DLGAP1: variants seen among roughly 807,000 people sequenced by gnomAD.
The protein encoded by DLGAP1 is DLG associated protein 1.
DLGAP1 carries 11 observed loss-of-function variants against 90.8 expected under a neutral mutation model. The observed-to-expected ratio is 0.12, with a 90% CI of 0.08 to 0.20. The LOEUF is 0.20. Among genes scored for constraint, DLGAP1 ranks in the 10% least tolerant of loss-of-function variants. The pLI is 1.00. For missense variants in DLGAP1, 1,050 were observed against 1,333.8 expected (o/e 0.79, Z 3.31); for synonymous variants, 558 against 540.7 (o/e 1.03, Z -0.44).
At chr18:3,963,849 T>C (rs1032798843) in intron 3 of DLGAP1, among the ~76,000 whole-genome samples, 1 of 152,152 alleles carries the variant, frequency 6.6e-6, no homozygotes, top group African/African-American at 2.4e-5. Flanking sequence ...GCCCTAGATT[T>C]CGAAGACTTT....
At chr18:3,941,649 C>T (rs1036093347) in intron 3 of DLGAP1, among the ~76,000 whole-genome samples, 8 of 152,152 alleles carry the variant, frequency 5.3e-5, no homozygotes, top group Non-Finnish European at 1.5e-5. Context: ...AATAACAGAA[C>T]TTAATATTTT....
intron 1 of DLGAP1, among the ~76,000 whole-genome samples, chr18:4,418,521 T>A (rs2082955530): frequency 6.6e-6 from 1 of 152,060 alleles, no homozygotes; most frequent in African/African-American, 2.4e-5. Flanking sequence ...TATAAAAAAA[T>A]CAAATGAAAA....
At chr18:3,759,372 C>G (rs935344086) in intron 5 of DLGAP1, among the ~76,000 whole-genome samples, 1 of 152,076 alleles carries the variant, frequency 6.6e-6, no homozygotes, top group Non-Finnish European at 1.5e-5. Flanking sequence ...ATGCTAGAAG[C>G]TGGAATAACC....
chr18:4,357,907 C>A (rs867624302), intron 1 of DLGAP1, among the ~76,000 whole-genome samples: 1 of 152,212 alleles, frequency 6.6e-6, no homozygotes, highest in Non-Finnish European at 1.5e-5. Context: ...TGCTTCTCAA[C>A]GCAGAAAATC....
At chr18:4,078,792 A>C (rs1302387681) in intron 2 of DLGAP1, among the ~76,000 whole-genome samples, 3 of 152,152 alleles carry the variant, frequency 2.0e-5, no homozygotes, top group African/African-American at 7.2e-5. Flanking sequence ...TATATCAATG[A>C]GTCCATGTTT....
intron 3 of DLGAP1, among the ~76,000 whole-genome samples, chr18:3,961,914 T>G (rs2073206817): frequency 6.6e-6 from 1 of 152,202 alleles, no homozygotes; most frequent in Non-Finnish European, 1.5e-5. Context: ...TGCTCAGGTT[T>G]CAGGGAGGAC....
intron 1 of DLGAP1, among the ~76,000 whole-genome samples, chr18:4,194,115 A>T (rs942887668): frequency 6.6e-6 from 1 of 152,138 alleles, no homozygotes; most frequent in Non-Finnish European, 1.5e-5. Context: ...TCACCCAGGT[A>T]CTGAGCATAG....
rs1488252720 is a variant in DLGAP1, at chr18:4,103,282, T to C, written c.-159+47898A>G. Among the ~76,000 whole-genome samples the C allele has an allele frequency of 2.6e-5, 4 of 152,252 alleles. No homozygotes were observed. The East Asian group carries it at 7.7e-4, about 29-fold the overall frequency. On this transcript the variant is annotated intron_variant, in intron 2 of 12. Transcript: ENST00000315677. ...CATAACTGTAGAGGAACTGGTATCT[T>C]GTTCAGGAGCTTGGTGTATTTTTCT...
At chr18:3,518,340 C>T (rs1379341118) in intron 10 of DLGAP1, among the ~76,000 whole-genome samples, 1 of 152,054 alleles carries the variant, frequency 6.6e-6, no homozygotes, top group Non-Finnish European at 1.5e-5. Flanking sequence ...AAAACAATTA[C>T]AATAGTAACA....
rs2075653672 is a variant in DLGAP1, at chr18:4,084,441, G to T, written c.-159+66739C>A. 1.3e-5 allele frequency among the ~76,000 whole-genome samples: 2 copies of T among 152,162 alleles called. No homozygotes were observed. The highest frequency in any genetic ancestry group is 6.5e-5 in the Admixed American group (1 of 15,272). On this transcript the variant is annotated intron_variant, in intron 2 of 12. Transcript: ENST00000315677. This position sits in a 1 kb window ranked among gnomAD's most constrained non-coding sequence, Gnocchi z 4.0. ...GCATACTTAATATTTTAAGCTGAAAGAATTTGAGAAAAGCACAGAAGCAGG... is the reference window on the plus strand; with the variant it reads ...GCATACTTAATATTTTAAGCTGAAATAATTTGAGAAAAGCACAGAAGCAGG...
chr18:4,255,110 G>A (rs909674080), intron 1 of DLGAP1, among the ~76,000 whole-genome samples: 3 of 152,116 alleles, frequency 2.0e-5, no homozygotes, highest in South Asian at 2.1e-4. Flanking sequence ...TTTTACGTAC[G>A]CCCGATTAAA....
rs115944188 is a variant in DLGAP1 at position 3,882,316 on chromosome 18, C to T, written c.-72-2176G>A. 3.1e-3 allele frequency among the ~76,000 whole-genome samples: 467 copies of T among 151,816 alleles called. 2 individuals are homozygous for T. The highest frequency in any genetic ancestry group is 0.011 in the African/African-American group (446 of 41,364). ...CTTTGGGAGGCCAAGGTTGGAGAAT[C>T]GCTTGAACCCAGGAGTTTGAGACAA... On this transcript the variant is annotated intron_variant, in intron 3 of 12. Coordinates refer to ENST00000315677, the MANE Select transcript of DLGAP1 (RefSeq NM_004746.4).
At chr18:4,260,482 A>T (rs916243727) in intron 1 of DLGAP1, among the ~76,000 whole-genome samples, 1 of 152,182 alleles carries the variant, frequency 6.6e-6, no homozygotes, top group African/African-American at 2.4e-5. Context: ...ATGTTTGCAA[A>T]TCAAGCAAAG....
At chr18:3,739,428 A>G (rs201098970) in intron 6 of DLGAP1, among the ~76,000 whole-genome samples, 8,358 of 143,518 alleles carry the variant, frequency 0.058, 307 homozygotes, top group East Asian at 0.18. Context: ...CATATACACC[A>G]TGGAATACTA....
At chr18:3,708,850 G>GC (rs2061518009) in intron 7 of DLGAP1, among the ~76,000 whole-genome samples, 2 of 152,116 alleles carry the variant, frequency 1.3e-5, no homozygotes, top group Non-Finnish European at 2.9e-5. Context: ...TCTCCCAGGT[G>GC]CACATTAGGT....
intron 6 of DLGAP1, among the ~76,000 whole-genome samples, chr18:3,738,647 C>T (rs1384891081): frequency 2.0e-5 from 3 of 151,542 alleles, no homozygotes; most frequent in Non-Finnish European, 4.4e-5. Flanking sequence ...AAGACTTAAA[C>T]GTTAGACCTA....
At chr18:3,504,376 A>C (rs924705030) in intron 11 of DLGAP1, among the ~76,000 whole-genome samples, 1 of 152,036 alleles carries the variant, frequency 6.6e-6, no homozygotes, top group Non-Finnish European at 1.5e-5. Context: ...AAATTTATAG[A>C]TATATCTGTT....
At chr18:4,447,072 G>A (rs2083684957) in intron 1 of DLGAP1, among the ~76,000 whole-genome samples, 1 of 152,214 alleles carries the variant, frequency 6.6e-6, no homozygotes, top group Admixed American at 6.5e-5. Context: ...ATAGATTGCT[G>A]TTGGGATCAT....
At chr18:3,830,868 CA>C (rs1220670180) in intron 4 of DLGAP1, among the ~76,000 whole-genome samples, 1 of 152,188 alleles carries the variant, frequency 6.6e-6, no homozygotes, top group African/African-American at 2.4e-5. Context: ...TAGTTCTAAG[CA>C]GAGTATAAAA....
Sources: allele counts gnomAD v4.1 joint callset (sites outside exome capture counted in the v4.1 genomes callset), GRCh38; gene constraint gnomAD v4.1.1; non-coding constraint Gnocchi (gnomAD v3.1); transcripts MANE v1.5; gene names NCBI Gene and HGNC (gene_info 2026-07-23, HGNC 2026-07-21).